WWOX: variants seen among roughly 807,000 people sequenced by gnomAD.
The protein encoded by WWOX is WW domain containing oxidoreductase.
WWOX carries 69 observed loss-of-function variants against 46.2 expected under a neutral mutation model. That is an observed-to-expected ratio of 1.49 (90% confidence interval 1.23 to 1.82). WWOX has a LOEUF of 1.82. WWOX is among the 40% of genes most tolerant of loss of function. WWOX has a pLI of 0.00. For missense variants in WWOX, 919 were observed against 542.6 expected (o/e 1.69, Z -6.89); for synonymous variants, 359 against 202.6 (o/e 1.77, Z -6.56).
At chr16:78,434,486 A>T (rs542623725) in intron 8 of WWOX, among the ~76,000 whole-genome samples, 1 of 152,338 alleles carries the variant, frequency 6.6e-6, no homozygotes, top group African/African-American at 2.4e-5. Flanking sequence ...ACTGGGTGCC[A>T]GTGCCATTTA....
In WWOX at chr16:78,578,273, TA is replaced by T. The variant is rs1567657338; in HGVS notation, c.1056+145522del. Among the ~76,000 whole-genome samples, 104 of 36,642 alleles carry T rather than the reference TA, an allele frequency of 2.8e-3. 2 individuals are homozygous for T. Among genetic ancestry groups the T allele is most frequent in the African/African-American group, 8.2e-3 (90 of 10,948 alleles). The allele number at this position is 36,642 out of a possible 152,430, so 24.0% of individuals were successfully genotyped here. Reference sequence around the variant, plus strand: ...CAAATTTTATATATATATATATATATATATATATATATTTTTTTTTTTTTTT... The same window carrying T: ...CAAATTTTATATATATATATATATATTATATATATATTTTTTTTTTTTTTT... On this transcript the variant is annotated intron_variant, in intron 8 of 8. Coordinates refer to ENST00000566780, the MANE Select transcript of WWOX (RefSeq NM_016373.4).
chr16:78,941,410 C>A (rs1465428436), intron 8 of WWOX, among the ~76,000 whole-genome samples: 1 of 151,768 alleles, frequency 6.6e-6, no homozygotes, highest in African/African-American at 2.4e-5. Flanking sequence ...GGAGACAGAG[C>A]GTTAGCCGTT....
intron 5 of WWOX, among the ~76,000 whole-genome samples, chr16:78,354,518 T>C (rs1010949402): frequency 1.3e-5 from 2 of 152,154 alleles, no homozygotes; most frequent in Non-Finnish European, 2.9e-5. Context: ...CAATTACAAC[T>C]GGAAAACATT....
At chr16:78,290,851 C>A (rs546525590) in intron 5 of WWOX, among the ~76,000 whole-genome samples, 3 of 152,124 alleles carry the variant, frequency 2.0e-5, no homozygotes, top group Non-Finnish European at 2.9e-5. Flanking sequence ...TTTAAAAATT[C>A]TTTCATAGGA....
intron 8 of WWOX, among the ~76,000 whole-genome samples, chr16:79,100,721 T>C (rs2049174685): frequency 6.6e-6 from 1 of 152,160 alleles, no homozygotes. Flanking sequence ...CACCTTGGCG[T>C]CACCAGGCTG....
chr16:78,860,439 A>T (rs1195577168), intron 8 of WWOX, among the ~76,000 whole-genome samples: 1 of 152,190 alleles, frequency 6.6e-6, no homozygotes, highest in Non-Finnish European at 1.5e-5. Context: ...AATGAAGATC[A>T]CAATGAATTG....
intron 8 of WWOX, among the ~76,000 whole-genome samples, chr16:78,900,408 ATTTG>A (rs2044801462): frequency 6.6e-6 from 1 of 152,170 alleles, no homozygotes; most frequent in East Asian, 1.9e-4. Context: ...CACCCAAATA[ATTTG>A]TTTTTTATTT....
At chr16:78,104,227 T>C (rs991341412) in intron 1 of WWOX, among the ~76,000 whole-genome samples, 1 of 88,312 alleles carries the variant, frequency 1.1e-5, no homozygotes, top group Non-Finnish European at 2.4e-5. Flanking sequence ...TACACTGTGC[T>C]CAAAACACAC....
chr16:78,208,784 A>G (rs542283693), intron 5 of WWOX, among the ~76,000 whole-genome samples: 1 of 152,376 alleles, frequency 6.6e-6, no homozygotes, highest in Non-Finnish European at 1.5e-5. Flanking sequence ...TAAATTTTGC[A>G]GTGCTGCAGA....
chr16:78,905,685 A>T (rs2151247829), intron 8 of WWOX, among the ~76,000 whole-genome samples: 1 of 152,334 alleles, frequency 6.6e-6, no homozygotes, highest in Non-Finnish European at 1.5e-5. Flanking sequence ...GCCCAGCCAG[A>T]ATCCTTCCAT....
intron 5 of WWOX, among the ~76,000 whole-genome samples, chr16:78,273,753 G>A (rs541759679): frequency 6.6e-5 from 10 of 152,296 alleles, no homozygotes; most frequent in South Asian, 2.1e-4. Context: ...GATGACAGGC[G>A]TGGTGAATGG....
At chr16:78,385,134 A>ACACACACACACACAC (rs2082033915) in intron 5 of WWOX, among the ~76,000 whole-genome samples, 1 of 143,050 alleles carries the variant, frequency 7.0e-6, no homozygotes, top group Non-Finnish European at 1.5e-5. Context: ...ACTCCATCTA[A>ACACACACACACACAC]ACACACACAC....
chr16:78,134,102 T>A (rs997571622), intron 4 of WWOX, among the ~76,000 whole-genome samples: 2 of 152,220 alleles, frequency 1.3e-5, no homozygotes. Flanking sequence ...CTAACCCTTG[T>A]GACGAATAAG....
chr16:78,700,619 G>A (rs779252193), intron 8 of WWOX, among the ~76,000 whole-genome samples: 1 of 152,170 alleles, frequency 6.6e-6, no homozygotes, highest in South Asian at 2.1e-4. Context: ...GTTACCTCCT[G>A]TCATAGGACC....
chr16:78,931,585 C>T (rs1368911200), intron 8 of WWOX, among the ~76,000 whole-genome samples: 2 of 152,282 alleles, frequency 1.3e-5, no homozygotes, highest in South Asian at 2.1e-4. Flanking sequence ...CTTGAGAAAC[C>T]TATAGTCTAA....
intron 8 of WWOX, among the ~76,000 whole-genome samples, chr16:78,807,568 G>C (rs1597646371): frequency 6.6e-6 from 1 of 152,212 alleles, no homozygotes; most frequent in South Asian, 2.1e-4. Flanking sequence ...ATTCAAATGT[G>C]GCAAATGTGG....
chr16:78,108,654 G>C, intron 2 of WWOX, among the ~76,000 whole-genome samples, 167 bp downstream of exon 2: 1 of 152,148 alleles, frequency 6.6e-6, no homozygotes, highest in East Asian at 1.9e-4. Flanking sequence ...AAGATGATGA[G>C]ATCATAGGGT....
chr16:79,000,617 C>G (rs1210983159), intron 8 of WWOX, among the ~76,000 whole-genome samples: 1 of 152,208 alleles, frequency 6.6e-6, no homozygotes, highest in Non-Finnish European at 1.5e-5. Context: ...GAAAGAGATT[C>G]TCTCCCAGAA....
chr16:78,456,319 G>T (rs965158091), intron 8 of WWOX, among the ~76,000 whole-genome samples: 2 of 152,136 alleles, frequency 1.3e-5, no homozygotes, highest in South Asian at 2.1e-4. Context: ...TAGTGTTGGG[G>T]GCTGAGAGGC....
Sources: gnomAD v4.1 joint callset for allele counts (sites outside exome capture counted in the v4.1 genomes callset) on GRCh38, gnomAD v4.1.1 for gene constraint, MANE v1.5 for transcripts, NCBI Gene and HGNC (gene_info 2026-07-23, HGNC 2026-07-21) for gene names.